The following FNBP4 variants were observed in gnomAD, a reference collection of about 807,000 sequenced individuals.
The protein encoded by FNBP4 is formin-binding protein 4.
In FNBP4, 34 loss-of-function variants were observed where a neutral mutation model predicts 119.3. The observed-to-expected ratio is 0.28, with a 90% CI of 0.22 to 0.38. FNBP4 has a LOEUF of 0.38. FNBP4 is among the 10% of genes least tolerant of loss of function. FNBP4 has a pLI of 1.00. For synonymous variants in FNBP4, 462 were observed against 430.6 expected (o/e 1.07, Z -0.90); for missense variants, 1,112 against 1,228.9 (o/e 0.90, Z 1.42).
At chr11:47,755,943 C>T (rs1207471611) in intron 2 of FNBP4, among the ~76,000 whole-genome samples, 1 of 152,142 alleles carries the variant, frequency 6.6e-6, no homozygotes, top group Admixed American at 6.6e-5. Flanking sequence ...GTGTTTACTT[C>T]AAACTGAGCC....
intron 2 of FNBP4, among the ~76,000 whole-genome samples, chr11:47,755,039 C>G (rs2135248919): frequency 6.6e-6 from 1 of 151,396 alleles, no homozygotes; most frequent in East Asian, 1.9e-4. Context: ...GCTAGTGAGG[C>G]AGGAGAAGTG....
intron 12 of FNBP4, chr11:47,729,142 G>A: frequency 2.0e-6 from 2 of 984,806 alleles, no homozygotes; most frequent in South Asian, 9.4e-5. Context: ...ATGAGCCACT[G>A]CACCCGGCCT....
rs768758855 is a variant in FNBP4, at chr11:47,724,592, G to A, written c.2195C>T (p.Ala732Val). ...PPPPPPPPPP[A>V]EDGEIQEVEM... is the part of the protein sequence containing the mutation. ...TACCTCCTGGATCTCACCATCTTCC[G>A]CAGGAGGAGGTGGTGGAGGAGGGGG... Residue 732 changes from alanine (A) to valine (V), a missense_variant, in exon 13 of 17, where the codon GCG (alanine) becomes GTG (valine). This residue lies in a region of FNBP4 where 826 missense variants were observed against 988.8 expected (regional missense o/e 0.84). Coordinates refer to ENST00000263773, the MANE Select transcript of FNBP4 (RefSeq NM_015308.5). 62 of 1,613,920 alleles carry A rather than the reference G, an allele frequency of 3.8e-5. No homozygotes were observed. Among genetic ancestry groups the A allele is most frequent in the Non-Finnish European group, 4.7e-5 (55 of 1,180,014 alleles).
At chr11:47,729,083 C>T (rs957029122) in intron 12 of FNBP4, 93 of 823,282 alleles carry the variant, frequency 1.1e-4, no homozygotes, top group Non-Finnish European at 1.3e-4. Context: ...AACTCTTGAC[C>T]TCAGGTGATC....
At chr11:47,733,496 C>T (rs145585641) in intron 10 of FNBP4, among the ~76,000 whole-genome samples, 1,994 of 152,162 alleles carry the variant, frequency 0.013, 44 homozygotes, top group African/African-American at 0.045. Flanking sequence ...CCACCACGCC[C>T]GGCTAATTTT....
At position 47,718,999 on chromosome 11, in the gene FNBP4, G is replaced by A. The variant is rs118151620; in HGVS notation, c.2963+930C>T. On this transcript the variant is annotated intron_variant, in intron 16 of 16. Transcript: ENST00000263773. The stretch of plus-strand genomic sequence containing the variant: ...TGGCTCACTGCAACCTCCGCCTCGC[G>A]GGTTCAAACAATTCTTCTGCCTCAG... Among the ~76,000 whole-genome samples the A allele has an allele frequency of 9.7e-3, 1,466 of 150,994 alleles. 53 individuals are homozygous for A. The highest frequency in any genetic ancestry group is 0.069 in the Admixed American group (1,037 of 15,086).
At chr11:47,738,374 G>A (rs2097577050) in intron 8 of FNBP4, among the ~76,000 whole-genome samples, 1 of 151,998 alleles carries the variant, frequency 6.6e-6, no homozygotes, top group African/African-American at 2.4e-5. Flanking sequence ...GACCAGCCTG[G>A]CCAACACGGT....
intron 15 of FNBP4, among the ~76,000 whole-genome samples, chr11:47,721,544 G>A (rs1204288635): frequency 1.3e-5 from 2 of 152,158 alleles, no homozygotes; most frequent in African/African-American, 2.4e-5. Flanking sequence ...AGAGGTTGCA[G>A]TGAGCTGAGA....
intron 9 of FNBP4, 88 bp downstream of exon 9, chr11:47,736,528 C>A: frequency 1.7e-6 from 2 of 1,149,570 alleles, no homozygotes; most frequent in Non-Finnish European, 2.4e-6. Context: ...CCACTGCACT[C>A]CAGCCTGGGT....
chr11:47,719,410 G>A (rs953224154), intron 16 of FNBP4, among the ~76,000 whole-genome samples: 15 of 152,204 alleles, frequency 9.9e-5, no homozygotes, highest in African/African-American at 3.6e-4. Flanking sequence ...TAGAATAAGT[G>A]CAATTGAGAA....
At chr11:47,759,707 C>T (rs1335771912) in intron 2 of FNBP4, among the ~76,000 whole-genome samples, 1 of 151,858 alleles carries the variant, frequency 6.6e-6, no homozygotes, top group Non-Finnish European at 1.5e-5. Context: ...AATCCCAGCA[C>T]TTTGGGAGGC....
chr11:47,730,608 C>G (rs1425213757), intron 12 of FNBP4, among the ~76,000 whole-genome samples: 1 of 152,148 alleles, frequency 6.6e-6, no homozygotes, highest in Non-Finnish European at 1.5e-5. Context: ...AGATCTATTA[C>G]TTTAGAAACG....
At chr11:47,755,338 A>G (rs912643664) in intron 2 of FNBP4, among the ~76,000 whole-genome samples, 17 of 149,568 alleles carry the variant, frequency 1.1e-4, no homozygotes, top group African/African-American at 4.2e-4. Flanking sequence ...AATCCCAGCT[A>G]CTCAGGAGGC....
chr11:47,739,819 C>T (rs1367036258), intron 8 of FNBP4, among the ~76,000 whole-genome samples: 1 of 152,128 alleles, frequency 6.6e-6, no homozygotes, highest in Non-Finnish European at 1.5e-5. Flanking sequence ...GCTCTTGTTG[C>T]CCAGCCTGGA....
intron 2 of FNBP4, among the ~76,000 whole-genome samples, chr11:47,764,971 T>G (rs1224539562): frequency 6.6e-6 from 1 of 151,832 alleles, no homozygotes; most frequent in Non-Finnish European, 1.5e-5. Flanking sequence ...GGAATAGGAG[T>G]TGGCATGCCT....
intron 9 of FNBP4, among the ~76,000 whole-genome samples, chr11:47,735,769 G>C (rs951605089): frequency 3.9e-5 from 6 of 152,032 alleles, no homozygotes; most frequent in African/African-American, 1.4e-4. Context: ...ACAGAAAGCA[G>C]TTTAATAAAT....
chr11:47,723,289 T>G lies in FNBP4; in HGVS notation c.2492A>C (p.Gln831Pro). 1 of 1,611,420 alleles carries G rather than the reference T, an allele frequency of 6.2e-7. No homozygotes were observed. The highest frequency in any genetic ancestry group is 8.5e-7 in the Non-Finnish European group (1 of 1,177,856). ...TGHQAAGIGN[Q>P]ATGIGHQTIP... ...TGTCTGATGTCCAATTCCTGTTGCC[T>G]GGTTTCCAATCCCTGCTGCCTGGTG... The change falls in exon 15 of 17, where the codon CAG becomes CCG. Residue 831 changes from glutamine (Q) to proline (P), a missense_variant. By Grantham distance (76) the Gln-to-Pro change is moderately conservative. Coordinates refer to ENST00000263773, the MANE Select transcript of FNBP4 (RefSeq NM_015308.5).
At chr11:47,765,231 C>G in intron 2 of FNBP4, 39 bp downstream of exon 2, 2 of 1,363,146 alleles carry the variant, frequency 1.5e-6, no homozygotes, top group Non-Finnish European at 2.1e-6. Context: ...TAATGAAAGA[C>G]GTGGGAGAAA....
At chr11:47,758,579 T>C (rs2097625243) in intron 2 of FNBP4, among the ~76,000 whole-genome samples, 3 of 151,806 alleles carry the variant, frequency 2.0e-5, no homozygotes, top group Non-Finnish European at 2.9e-5. Flanking sequence ...ACATGGACGT[T>C]TGTGGACAGG....
Sources: gnomAD v4.1 joint callset for allele counts (sites outside exome capture counted in the v4.1 genomes callset) on GRCh38, gnomAD v4.1.1 for gene constraint, gnomAD v4.1.1 regional missense constraint, MANE v1.5 for transcripts, NCBI Gene and HGNC (gene_info 2026-07-23, HGNC 2026-07-21) for gene names.